ANKRD17: variants seen among roughly 807,000 people sequenced by gnomAD.
ANKRD17 encodes ankyrin repeat domain 17.
A neutral mutation model predicts 229.7 loss-of-function variants in ANKRD17; 19 were observed. The observed-to-expected ratio is 0.08, with a 90% CI of 0.06 to 0.12. ANKRD17 has a LOEUF of 0.12. Ranked by LOEUF, ANKRD17 falls within the 10% of genes least tolerant of loss-of-function variation. The pLI, the probability that ANKRD17 is intolerant of heterozygous loss-of-function variation, is 1.00. For missense variants in ANKRD17, 2,176 were observed against 3,176.8 expected, an observed-to-expected ratio of 0.68 and a Z score of 7.57; for synonymous variants, 1,112 against 1,146.1, an observed-to-expected ratio of 0.97 and a Z score of 0.60.
intron 1 of ANKRD17, among the ~76,000 whole-genome samples, chr4:73,242,656 A>G (rs1744148475): frequency 2.0e-5 from 3 of 152,236 alleles, no homozygotes; most frequent in Admixed American, 2.0e-4. Context: ...AAAGAAGCTC[A>G]ATGAGTGAGA....
At chr4:73,242,029 G>T (rs1004318553) in intron 1 of ANKRD17, among the ~76,000 whole-genome samples, 2 of 152,064 alleles carry the variant, frequency 1.3e-5, no homozygotes, top group Non-Finnish European at 2.9e-5. Context: ...AAAGATATCT[G>T]CATTATACTT....
chr4:73,110,804 G>A (rs891662742), intron 24 of ANKRD17, among the ~76,000 whole-genome samples: 2 of 152,142 alleles, frequency 1.3e-5, no homozygotes, highest in African/African-American at 2.4e-5. Flanking sequence ...ATACATAAAA[G>A]TATATAATGC....
chr4:73,092,529 T>G (rs948325275), intron 28 of ANKRD17, among the ~76,000 whole-genome samples: 1 of 152,206 alleles, frequency 6.6e-6, no homozygotes. Context: ...CTTTTATTTT[T>G]CAGAAGAATA....
intron 1 of ANKRD17, among the ~76,000 whole-genome samples, chr4:73,233,753 G>A (rs1041948313): frequency 6.6e-6 from 1 of 152,088 alleles, no homozygotes; most frequent in Non-Finnish European, 1.5e-5. Context: ...TGATAAAATA[G>A]AGGGGCTGGG....
At chr4:73,190,562 A>AC (rs1736926460) in intron 1 of ANKRD17, among the ~76,000 whole-genome samples, 1 of 150,578 alleles carries the variant, frequency 6.6e-6, no homozygotes, top group African/African-American at 2.4e-5. Context: ...AAAAAAACAA[A>AC]ACAAAAAAAA....
intron 11 of ANKRD17, among the ~76,000 whole-genome samples, chr4:73,144,127 G>A (rs1475733490): frequency 6.6e-6 from 1 of 152,104 alleles, no homozygotes; most frequent in East Asian, 1.9e-4. Context: ...ATTGAAAACT[G>A]TCTCAACTAG....
chr4:73,197,180 G>C (rs1313767123), intron 1 of ANKRD17, among the ~76,000 whole-genome samples: 4 of 152,036 alleles, frequency 2.6e-5, no homozygotes, highest in Non-Finnish European at 5.9e-5. Context: ...TCTTGTAGTA[G>C]AAGGTGAAAA....
chr4:73,244,884 C>T lies in ANKRD17; in HGVS notation c.393+13392G>A, dbSNP rs570313325. 2.6e-5 allele frequency among the ~76,000 whole-genome samples: 4 copies of T among 152,254 alleles called. No individual in the cohort carries two copies. In the East Asian group the frequency reaches 7.7e-4, roughly 29 times the overall value. On this transcript the variant is annotated intron_variant, in intron 1 of 33. Coordinates refer to ENST00000358602, the MANE Select transcript of ANKRD17 (RefSeq NM_032217.5). ...CTTGCCTGCAATAATTGGAAGGGCA[C>T]ATCATATGCCTACTAAGTTTGTAGT...
chr4:73,214,677 T>C (rs902104152), intron 1 of ANKRD17, among the ~76,000 whole-genome samples: 1 of 151,360 alleles, frequency 6.6e-6, no homozygotes, highest in Non-Finnish European at 1.5e-5. Flanking sequence ...CCAGTTTCCT[T>C]CATGAAGCAG....
At chr4:73,095,691 TTTA>T (rs1279919022) in intron 27 of ANKRD17, among the ~76,000 whole-genome samples, 1 of 151,858 alleles carries the variant, frequency 6.6e-6, no homozygotes, top group Non-Finnish European at 1.5e-5. Flanking sequence ...ATAGATTTCC[TTTA>T]TTATTATTTT....
chr4:73,098,885 G>A, intron 25 of ANKRD17: 2 of 1,271,652 alleles, frequency 1.6e-6, no homozygotes, highest in Non-Finnish European at 2.3e-6. Context: ...GGACAGCACT[G>A]AGAAGCGGGG....
At chr4:73,079,009 A>G in intron 30 of ANKRD17, 119 bp from the exon 31 acceptor site, 2 of 1,207,976 alleles carry the variant, frequency 1.7e-6, no homozygotes, top group Non-Finnish European at 2.3e-6. Context: ...AACAAAGTGT[A>G]AAAATAATAC....
At chr4:73,233,305 C>G (rs375774596) in intron 1 of ANKRD17, among the ~76,000 whole-genome samples, 14 of 152,076 alleles carry the variant, frequency 9.2e-5, no homozygotes, top group African/African-American at 2.9e-4. Context: ...CCCTCCATCT[C>G]CTAAATTTAT....
intron 1 of ANKRD17, among the ~76,000 whole-genome samples, chr4:73,256,562 T>C (rs925748542): frequency 6.6e-6 from 1 of 152,204 alleles, no homozygotes; most frequent in Non-Finnish European, 1.5e-5. Context: ...ATTTGTACTT[T>C]TGCTACTACC....
intron 24 of ANKRD17, among the ~76,000 whole-genome samples, chr4:73,108,998 GT>G (rs1344312518): frequency 3.9e-5 from 6 of 152,164 alleles, no homozygotes; most frequent in African/African-American, 1.4e-4. Context: ...GAAGGGACTG[GT>G]TACCAAAAAT....
intron 2 of ANKRD17, among the ~76,000 whole-genome samples, chr4:73,167,678 T>C (rs1733413099): frequency 6.6e-6 from 1 of 152,196 alleles, no homozygotes; most frequent in Non-Finnish European, 1.5e-5. Context: ...CAATGTCAAA[T>C]TGCCGGAAAA....
At chr4:73,135,006 CTT>C in intron 16 of ANKRD17, 109 bp downstream of exon 16, 1 of 1,103,002 alleles carries the variant, frequency 9.1e-7, no homozygotes, top group South Asian at 2.0e-5. Context: ...TGGCTCAAGA[CTT>C]TGCCTAGAGA....
intron 22 of ANKRD17, among the ~76,000 whole-genome samples, chr4:73,118,025 A>AT (rs571869722): frequency 9.8e-4 from 149 of 151,872 alleles, no homozygotes; most frequent in African/African-American, 3.4e-3. Context: ...ATGAAAACAA[A>AT]TTTTTTTTGA....
chr4:73,110,950 T>C (rs1260805935), intron 24 of ANKRD17, among the ~76,000 whole-genome samples: 1 of 152,174 alleles, frequency 6.6e-6, no homozygotes, highest in African/African-American at 2.4e-5. Context: ...ACTAAGGCTC[T>C]TGAAAGTATA....
Sources: gnomAD v4.1 joint callset for allele counts (sites outside exome capture counted in the v4.1 genomes callset) on GRCh38, gnomAD v4.1.1 for gene constraint, MANE v1.5 for transcripts, NCBI Gene and HGNC (gene_info 2026-07-23, HGNC 2026-07-21) for gene names.